CLSTN2: variants seen among roughly 807,000 people sequenced by gnomAD.
CLSTN2 encodes the protein calsyntenin 2, also known as calsyntenin-2.
In CLSTN2, 48 loss-of-function variants were observed where a neutral mutation model predicts 101.2. That is an observed-to-expected ratio of 0.47 (90% CI 0.38 to 0.60). The LOEUF is 0.60. Ranked by LOEUF, CLSTN2 falls within the 20% of genes least tolerant of loss-of-function variation. CLSTN2 has a pLI of 0.00. For synonymous variants in CLSTN2, 481 were observed against 463.6 expected (o/e 1.04, Z -0.48); for missense variants, 1,160 against 1,238.2 (o/e 0.94, Z 0.95).
intron 1 of CLSTN2, among the ~76,000 whole-genome samples, chr3:139,994,771 A>C (rs1260985209): frequency 2.0e-5 from 3 of 152,236 alleles, no homozygotes; most frequent in South Asian, 2.1e-4. Context: ...GGAAATAGAC[A>C]GCACTTATTG....
At chr3:140,111,262 C>A (rs565599442) in intron 1 of CLSTN2, among the ~76,000 whole-genome samples, 1 of 152,142 alleles carries the variant, frequency 6.6e-6, no homozygotes, top group Non-Finnish European at 1.5e-5. Context: ...TTCTTCTTTC[C>A]CTCCCCTCTC....
intron 1 of CLSTN2, among the ~76,000 whole-genome samples, chr3:140,101,641 T>C (rs2008968123): frequency 6.6e-6 from 1 of 152,252 alleles, no homozygotes; most frequent in Admixed American, 6.5e-5. Context: ...GTCTCAATGG[T>C]ATAATAAAAT....
intron 1 of CLSTN2, among the ~76,000 whole-genome samples, chr3:139,963,718 T>C (rs1235872582): frequency 6.6e-6 from 1 of 152,192 alleles, no homozygotes; most frequent in East Asian, 1.9e-4. Flanking sequence ...GTCAGTTTCA[T>C]GTTTGTTTGT....
intron 9 of CLSTN2, among the ~76,000 whole-genome samples, chr3:140,537,983 G>A (rs918289422): frequency 1.5e-4 from 22 of 151,700 alleles, no homozygotes; most frequent in African/African-American, 4.9e-4. Context: ...ATCTCTCCCC[G>A]TGCCATGACC....
chr3:140,066,438 AC>A (rs2008301180), intron 1 of CLSTN2, among the ~76,000 whole-genome samples: 1 of 152,354 alleles, frequency 6.6e-6, no homozygotes, highest in Middle Eastern at 3.4e-3. Flanking sequence ...GTAGCCAATG[AC>A]CCTGTGAAAG....
intron 2 of CLSTN2, among the ~76,000 whole-genome samples, chr3:140,182,192 T>C (rs548320058): frequency 6.6e-6 from 1 of 152,292 alleles, no homozygotes; most frequent in African/African-American, 2.4e-5. Context: ...TTAATAATAT[T>C]CGGTTGTATT....
intron 1 of CLSTN2, among the ~76,000 whole-genome samples, chr3:139,971,882 C>A (rs537887806): frequency 6.6e-6 from 1 of 152,288 alleles, no homozygotes; most frequent in African/African-American, 2.4e-5. Context: ...GTGTCACCAT[C>A]TGCAAAATGA....
chr3:140,273,432 G>C (rs1480477637), intron 2 of CLSTN2, among the ~76,000 whole-genome samples: 2 of 152,126 alleles, frequency 1.3e-5, no homozygotes, highest in African/African-American at 4.8e-5. Context: ...CCCATGTTCA[G>C]TTGCTTCTCA....
intron 1 of CLSTN2, among the ~76,000 whole-genome samples, chr3:139,955,869 G>A (rs1576375671): frequency 1.3e-5 from 2 of 152,328 alleles, no homozygotes; most frequent in South Asian, 2.1e-4. Context: ...GAGCTCTGGA[G>A]CAAAGATGGA....
intron 2 of CLSTN2, among the ~76,000 whole-genome samples, chr3:140,260,199 G>T (rs898085071): frequency 3.3e-5 from 5 of 149,640 alleles, no homozygotes; most frequent in African/African-American, 1.2e-4. Flanking sequence ...TAAAATAAAT[G>T]TATTTTATTT....
At chr3:140,295,951 C>A (rs2086998714) in intron 2 of CLSTN2, among the ~76,000 whole-genome samples, 1 of 152,204 alleles carries the variant, frequency 6.6e-6, no homozygotes, top group Non-Finnish European at 1.5e-5. Context: ...CTGAGACTAA[C>A]TCAAGAATTG....
intron 1 of CLSTN2, among the ~76,000 whole-genome samples, chr3:140,075,840 C>T (rs994487708): frequency 4.6e-5 from 7 of 151,922 alleles, no homozygotes; most frequent in South Asian, 2.1e-4. Context: ...CAGGAGGGGC[C>T]GTGTCATCAT....
chr3:139,971,843 C>T (rs1323082303), intron 1 of CLSTN2, among the ~76,000 whole-genome samples: 1 of 152,180 alleles, frequency 6.6e-6, no homozygotes, highest in African/African-American at 2.4e-5. Context: ...CCATGTATGA[C>T]ATCAGCCTTC....
At position 140,377,936 on chromosome 3, in the gene CLSTN2, A is replaced by G. The variant is rs566748771; in HGVS notation, c.233-25693A>G. On this transcript the variant is annotated intron_variant, in intron 2 of 16. Coordinates refer to ENST00000458420, the MANE Select transcript of CLSTN2 (RefSeq NM_022131.3). The stretch of plus-strand genomic sequence containing the variant: ...TGCATTCATGGTAAGTGCCCTGTAC[A>G]GGTTTACCACTTTAAAAAAATCTTT... Among the ~76,000 whole-genome samples the G allele has an allele frequency of 3.3e-5, 5 of 152,284 alleles. No individual in the cohort carries two copies. In the East Asian group the frequency reaches 5.8e-4, roughly 18 times the overall value.
At chr3:139,983,610 T>C (rs1237802935) in intron 1 of CLSTN2, among the ~76,000 whole-genome samples, 1 of 152,142 alleles carries the variant, frequency 6.6e-6, no homozygotes, top group Non-Finnish European at 1.5e-5. Context: ...AAATTGTATG[T>C]AAAGTCCATT....
At chr3:140,041,015 C>T (rs953294907) in intron 1 of CLSTN2, among the ~76,000 whole-genome samples, 3 of 152,028 alleles carry the variant, frequency 2.0e-5, no homozygotes, top group Admixed American at 6.6e-5. Flanking sequence ...TCAGACGGCC[C>T]GAGTGGAGAA....
intron 1 of CLSTN2, among the ~76,000 whole-genome samples, chr3:140,008,924 C>G (rs1394665302): frequency 1.3e-5 from 2 of 152,184 alleles, no homozygotes; most frequent in Non-Finnish European, 2.9e-5. Flanking sequence ...ATTTGTTTTG[C>G]AGACTTTCTC....
chr3:140,286,971 G>A (rs577256498), intron 2 of CLSTN2, among the ~76,000 whole-genome samples: 101 of 152,248 alleles, frequency 6.6e-4, no homozygotes, highest in African/African-American at 2.3e-3. Flanking sequence ...GGTCAGGAGA[G>A]GGGAAACAGG....
chr3:140,513,168 G>T (rs1934847386), intron 8 of CLSTN2, among the ~76,000 whole-genome samples: 1 of 152,130 alleles, frequency 6.6e-6, no homozygotes, highest in South Asian at 2.1e-4. Flanking sequence ...GTGAGAGAGG[G>T]CATCCTTGTC....
Sources: gnomAD v4.1 joint callset for allele counts (sites outside exome capture counted in the v4.1 genomes callset) on GRCh38, gnomAD v4.1.1 for gene constraint, MANE v1.5 for transcripts, NCBI Gene and HGNC (gene_info 2026-07-23, HGNC 2026-07-21) for gene names.